The following FANCI variants were observed in gnomAD, a reference collection of about 807,000 sequenced individuals.
FANCI encodes the protein Fanconi anemia group I protein.
FANCI carries 156 observed loss-of-function variants against 176.1 expected under a neutral mutation model. The ratio of observed to expected loss-of-function variants is 0.89; its 90% CI spans 0.78 to 1.01. The LOEUF (loss-of-function observed/expected upper bound fraction) is 1.01. Ranked by LOEUF, FANCI falls within the 50% of genes least tolerant of loss-of-function variation. The pLI, the probability that FANCI is intolerant of heterozygous loss-of-function variation, is 0.00. For synonymous variants in FANCI, 613 were observed against 541.7 expected, an observed-to-expected ratio of 1.13 and a Z score of -1.83; for missense variants, 1,678 against 1,534.1, an observed-to-expected ratio of 1.09 and a Z score of -1.57.
rs1433099840 is a variant in FANCI, at chr15:89,315,386, A to G, written c.3921A>G (p.Glu1307=). ...VLREDGEDEN[E]EGTASEHGGQ... ...GAGAGGATGGTGAAGATGAAAATGAAGAGGTCAGTGCTGGCTTCTGTCTGG... is the reference window on the plus strand; with the variant it reads ...GAGAGGATGGTGAAGATGAAAATGAGGAGGTCAGTGCTGGCTTCTGTCTGG... The change falls in exon 37 of 38, where the codon GAA becomes GAG. Residue 1307 remains glutamate (E), a synonymous_variant. Coordinates refer to ENST00000310775, the MANE Select transcript of FANCI (RefSeq NM_001113378.2). 2.5e-6 allele frequency: 4 copies of G among 1,604,730 alleles called. No individual in the cohort carries two copies. The highest frequency in any genetic ancestry group is 2.7e-5 in the African/African-American group (2 of 74,716).
At chr15:89,252,014 T>C (rs2052274340) in intron 2 of FANCI, among the ~76,000 whole-genome samples, 1 of 152,002 alleles carries the variant, frequency 6.6e-6, no homozygotes, top group Non-Finnish European at 1.5e-5. Context: ...AATGGAAAAA[T>C]AAAGGCTGAG....
rs778157971 is a variant in FANCI at position 89,292,758 on chromosome 15, G to T, written c.2063G>T (p.Gly688Val). 1 of 1,614,008 alleles carries T rather than the reference G, an allele frequency of 6.2e-7. No homozygotes were observed. Among genetic ancestry groups the T allele is most frequent in the East Asian group, 2.2e-5 (1 of 44,860 alleles). Residue 688 changes from glycine to valine, a missense_variant, in exon 21 of 38, where the codon GGA (glycine) becomes GTA (valine). Physicochemically the swap from Gly to Val is moderately radical, Grantham distance 109. Around this residue, in one of 3 missense-constraint regions of FANCI, gnomAD observed 1,204 missense variants for 1,077.4 expected, o/e 1.12. Transcript: ENST00000310775. The part of the protein sequence containing the change: ...YKNTVIPLQQ[G>V]EEEEEEEEAF... ...AATACAGTCATACCCTTACAGCAGG[G>T]AGAGGAGGAAGAGGAGGAGGAAGAG... is the stretch of plus-strand genomic sequence containing the variant.
Position 89,293,855 on chromosome 15 carries a change from C to G in FANCI, c.2314C>G (p.Leu772Val), listed in dbSNP as rs779306467. ...CAGTAAGAATAGGTTTGAGGACATT[C>G]TGAGCTTATTTATGTGTTACAAAAA... Reference protein sequence around the residue: ...SFSKNRFEDILSLFMCYKKLS... With the variant: ...SFSKNRFEDIVSLFMCYKKLS... The change falls in exon 23 of 38, where the codon CTG becomes GTG. Residue 772 changes from leucine (L) to valine (V), a missense_variant. Around this residue, in one of 3 missense-constraint regions of FANCI, gnomAD observed 1,204 missense variants for 1,077.4 expected, o/e 1.12. Coordinates refer to ENST00000310775, the MANE Select transcript of FANCI (RefSeq NM_001113378.2). 6.2e-7 allele frequency: 1 copy of G among 1,614,064 alleles called. No individual in the cohort carries two copies. Among genetic ancestry groups the G allele is most frequent in the Admixed American group, 1.7e-5 (1 of 60,006 alleles).
intron 34 of FANCI, among the ~76,000 whole-genome samples, chr15:89,311,162 G>A (rs1488996462): frequency 5.3e-5 from 8 of 152,152 alleles, no homozygotes; most frequent in Non-Finnish European, 5.9e-5. Flanking sequence ...GGGAGGCTGA[G>A]GCAGGAGAAT....
intron 24 of FANCI, among the ~76,000 whole-genome samples, chr15:89,298,628 A>T (rs2054404900): frequency 6.6e-6 from 1 of 152,182 alleles, no homozygotes; most frequent in Admixed American, 6.5e-5. Flanking sequence ...AACTATGAAG[A>T]AGCAGAAAAT....
intron 35 of FANCI, among the ~76,000 whole-genome samples, chr15:89,314,117 A>T (rs1434852100): frequency 2.0e-5 from 3 of 149,728 alleles, no homozygotes; most frequent in Non-Finnish European, 4.4e-5. Flanking sequence ...TTAGGAGGAA[A>T]GACACACACA....
intron 36 of FANCI, among the ~76,000 whole-genome samples, chr15:89,314,979 G>T (rs1240497234): frequency 6.6e-6 from 1 of 151,510 alleles, no homozygotes; most frequent in Non-Finnish European, 1.5e-5. Flanking sequence ...TAGTTTTTTG[G>T]GTTTGTTTTT....
chr15:89,312,844 A>C, intron 34 of FANCI, 60 bp from the exon 35 acceptor site: 2 of 1,342,310 alleles, frequency 1.5e-6, no homozygotes, highest in Non-Finnish European at 2.1e-6. Context: ...AATTAGCACT[A>C]GCATGCTAGC....
intron 34 of FANCI, chr15:89,308,149 T>G: frequency 9.4e-7 from 1 of 1,064,534 alleles, no homozygotes; most frequent in Non-Finnish European, 1.1e-6. Flanking sequence ...GAATCTCCTT[T>G]ACTGTTTGCT....
chr15:89,246,867 G>A (rs111480311), intron 1 of FANCI, among the ~76,000 whole-genome samples: 4,143 of 144,530 alleles, frequency 0.029, 163 homozygotes, highest in African/African-American at 0.092. Flanking sequence ...CCGGGTTCAC[G>A]CCATTCTCCT....
At position 89,278,704 on chromosome 15, in the gene FANCI, A is replaced by G. The variant is rs772846275; in HGVS notation, c.1311A>G (p.Arg437=). ...LETFKIHEMI[R]QEILEQVLNR... ...CTTTTTAGATCCATGAGATGATCAG[A>G]CAAGAAATTTTGGAGCAGGTCCTCA... is the stretch of plus-strand genomic sequence containing the variant. The change falls in exon 14 of 38, where the codon AGA becomes AGG. Residue 437 remains arginine, a synonymous_variant. Coordinates refer to ENST00000310775, the MANE Select transcript of FANCI (RefSeq NM_001113378.2). 4.3e-6 allele frequency: 7 copies of G among 1,613,702 alleles called. No homozygotes were observed. Among genetic ancestry groups the G allele is most frequent in the Non-Finnish European group, 5.1e-6 (6 of 1,179,732 alleles).
chr15:89,254,756 G>A (rs1254875129), intron 2 of FANCI, among the ~76,000 whole-genome samples: 1 of 152,134 alleles, frequency 6.6e-6, no homozygotes, highest in African/African-American at 2.4e-5. Flanking sequence ...AAGTTATAGT[G>A]AGCTATGACT....
chr15:89,299,359 A>G (rs62022584), intron 24 of FANCI, among the ~76,000 whole-genome samples: 48,405 of 152,092 alleles, frequency 0.32, 8,760 homozygotes, highest in Non-Finnish European at 0.39. Context: ...AAATTCTTCC[A>G]GGAAATAGGA....
chr15:89,303,401 T>C (rs2063767523), intron 27 of FANCI, among the ~76,000 whole-genome samples: 1 of 152,238 alleles, frequency 6.6e-6, no homozygotes, highest in Non-Finnish European at 1.5e-5. Flanking sequence ...TTGCCTCTTT[T>C]ATTTCTCTTT....
chr15:89,316,498 C>G lies in FANCI; in HGVS notation c.*39C>G, dbSNP rs1452486676. On this transcript the variant is annotated 3_prime_UTR_variant, in exon 38 of 38. Coordinates refer to ENST00000310775, the MANE Select transcript of FANCI (RefSeq NM_001113378.2). ...GTTAATGTGAACTTTGGGGCTTCTGCTTCATTTTTACCCAACAAGCAACAA... is the reference window on the plus strand; with the variant it reads ...GTTAATGTGAACTTTGGGGCTTCTGGTTCATTTTTACCCAACAAGCAACAA... The G allele has an allele frequency of 7.6e-6, 12 of 1,577,248 alleles. No homozygotes were observed. The Admixed American group carries it at 2.0e-4, about 26-fold the overall frequency.
intron 2 of FANCI, among the ~76,000 whole-genome samples, chr15:89,251,387 C>A (rs1304544472): frequency 6.6e-6 from 1 of 152,170 alleles, no homozygotes; most frequent in African/African-American, 2.4e-5. Flanking sequence ...CTTTAGAGAT[C>A]AGGTAGATAG....
rs1462983750 is a variant in FANCI, at chr15:89,307,762, T to C, written c.3651+90T>C. The C allele has an allele frequency of 6.2e-6, 10 of 1,606,622 alleles. No homozygotes were observed. The African/African-American group carries it at 1.3e-4, about 21-fold the overall frequency. On this transcript the variant is annotated intron_variant, in intron 34 of 37. Coordinates refer to ENST00000310775, the MANE Select transcript of FANCI (RefSeq NM_001113378.2). ...CTATTGATCACCTGAACTGAGCATATATAAACTTTTTTCCCTGCTTACCAC... is the reference window on the plus strand; with the variant it reads ...CTATTGATCACCTGAACTGAGCATACATAAACTTTTTTCCCTGCTTACCAC...
At chr15:89,268,000 A>T (rs79538031) in intron 9 of FANCI, among the ~76,000 whole-genome samples, 1 of 152,118 alleles carries the variant, frequency 6.6e-6, no homozygotes, top group Non-Finnish European at 1.5e-5. Context: ...TCTAGTAAAC[A>T]CCTGCCTTCA....
chr15:89,247,413 G>A (rs2052037061), intron 1 of FANCI, among the ~76,000 whole-genome samples: 1 of 152,012 alleles, frequency 6.6e-6, no homozygotes, highest in Non-Finnish European at 1.5e-5. Context: ...GCAATTCCAG[G>A]GAATTTTCAG....
Sources: gnomAD v4.1 joint callset for allele counts (sites outside exome capture counted in the v4.1 genomes callset) on GRCh38, gnomAD v4.1.1 for gene constraint, gnomAD v4.1.1 regional missense constraint, MANE v1.5 for transcripts, NCBI Gene and HGNC (gene_info 2026-07-23, HGNC 2026-07-21) for gene names.